SUGCT: variants seen among roughly 807,000 people sequenced by gnomAD.
SUGCT encodes succinyl-CoA:glutarate-CoA transferase.
A neutral mutation model predicts 55.0 loss-of-function variants in SUGCT; 41 were observed. The observed-to-expected ratio is 0.74, with a 90% CI of 0.58 to 0.97. The LOEUF is 0.97. SUGCT is among the 50% of genes least tolerant of loss of function. The pLI is 0.00. For synonymous variants in SUGCT, 187 were observed against 200.4 expected, an observed-to-expected ratio of 0.93 and a Z score of 0.56; for missense variants, 568 against 547.8, an observed-to-expected ratio of 1.04 and a Z score of -0.37.
At chr7:40,326,309 G>T (rs892493526) in intron 9 of SUGCT, among the ~76,000 whole-genome samples, 1 of 152,134 alleles carries the variant, frequency 6.6e-6, no homozygotes, top group African/African-American at 2.4e-5. Context: ...TAAGTGTTTT[G>T]TGCAGCATCT....
At chr7:40,642,772 T>G (rs940470447) in intron 12 of SUGCT, among the ~76,000 whole-genome samples, 2 of 152,332 alleles carry the variant, frequency 1.3e-5, no homozygotes, top group East Asian at 3.9e-4. Context: ...AACCTGATTC[T>G]GCATGCAGTA....
chr7:40,940,723 T>C, the SUGCT span, among the ~76,000 whole-genome samples: 6 of 152,190 alleles, frequency 3.9e-5, no homozygotes, highest in African/African-American at 1.4e-4. Flanking sequence ...TTTGTATACG[T>C]TGATTTTGTA....
rs575113951 is a variant in SUGCT at position 40,695,165 on chromosome 7, A to ATTTT, written c.1090-54267_1090-54264dup. 2.9e-3 allele frequency among the ~76,000 whole-genome samples: 392 copies of ATTTT among 135,588 alleles called. 1 individual carries two copies. Among genetic ancestry groups the ATTTT allele is most frequent in the East Asian group, 0.015 (65 of 4,424 alleles). 89.0% of individuals were successfully genotyped at this position (135,588 alleles called of 152,430 possible). The stretch of plus-strand genomic sequence containing the variant: ...ATTAATGTTATCTACCTAAACCCTT[A>ATTTT]TTTTTATTTATTTATTTATTTATTT... On this transcript the variant is annotated intron_variant, in intron 12 of 13. Coordinates refer to ENST00000335693, the MANE Select transcript of SUGCT (RefSeq NM_001193313.2).
At position 40,164,998 on chromosome 7, in the gene SUGCT, A is replaced by C. The variant is rs373273174; in HGVS notation, c.101-15949A>C. Among the ~76,000 whole-genome samples the C allele has an allele frequency of 5.3e-5, 8 of 152,278 alleles. No homozygotes were observed. In the East Asian group the frequency reaches 1.2e-3, roughly 22 times the overall value. On this transcript the variant is annotated intron_variant, in intron 1 of 13. Transcript: ENST00000335693. Reference sequence around the variant, plus strand: ...TATCAAACTAGGTTGTTAGGAACAGAGCTTCTTCTGTGACTTCAGACACAT... The same window carrying C: ...TATCAAACTAGGTTGTTAGGAACAGCGCTTCTTCTGTGACTTCAGACACAT...
At chr7:40,416,355 A>C (rs1049079156) in intron 9 of SUGCT, among the ~76,000 whole-genome samples, 12 of 151,904 alleles carry the variant, frequency 7.9e-5, no homozygotes, top group African/African-American at 2.9e-4. Context: ...ATTTACTAGA[A>C]TCTCAGAGCC....
chr7:40,700,976 G>A (rs867427231), intron 12 of SUGCT, among the ~76,000 whole-genome samples: 1 of 152,094 alleles, frequency 6.6e-6, no homozygotes, highest in Non-Finnish European at 1.5e-5. Flanking sequence ...TACAAGCAAG[G>A]GTTGGAGTTG....
intron 12 of SUGCT, among the ~76,000 whole-genome samples, chr7:40,654,267 A>G (rs983672806): frequency 1.4e-5 from 2 of 143,844 alleles, no homozygotes; most frequent in East Asian, 1.9e-4. Context: ...AGCTCAGGGG[A>G]AAAAAAAAGT....
chr7:40,614,139 T>A (rs897335050), intron 12 of SUGCT, among the ~76,000 whole-genome samples: 6 of 151,956 alleles, frequency 3.9e-5, no homozygotes, highest in East Asian at 1.9e-4. Flanking sequence ...TTTTTTTTTT[T>A]AACTACATTA....
chr7:40,747,136 G>A (rs976822523), intron 12 of SUGCT, among the ~76,000 whole-genome samples: 2 of 152,130 alleles, frequency 1.3e-5, no homozygotes, highest in African/African-American at 4.8e-5. Flanking sequence ...AATTTTATCT[G>A]GCCAGCTCTT....
chr7:41,001,692 T>C, the SUGCT span, among the ~76,000 whole-genome samples: 1 of 152,164 alleles, frequency 6.6e-6, no homozygotes, highest in Non-Finnish European at 1.5e-5. Context: ...TGGGGTCTTT[T>C]TCTTTATAAG....
intron 6 of SUGCT, among the ~76,000 whole-genome samples, chr7:40,204,487 A>G (rs944623603): frequency 2.0e-5 from 3 of 151,960 alleles, no homozygotes; most frequent in African/African-American, 4.8e-5. Flanking sequence ...TATTTTTAGT[A>G]GAGACAGGGT....
chr7:40,439,585 GT>G (rs1788387414), intron 9 of SUGCT, among the ~76,000 whole-genome samples: 1 of 152,172 alleles, frequency 6.6e-6, no homozygotes, highest in African/African-American at 2.4e-5. Context: ...TTCCAGTTGT[GT>G]TAACTGGTCC....
the SUGCT span, among the ~76,000 whole-genome samples, chr7:40,961,962 A>G: frequency 1.3e-5 from 2 of 152,316 alleles, no homozygotes; most frequent in Non-Finnish European, 2.9e-5. Context: ...TTTATTGCAA[A>G]GAGCAAATGA....
At chr7:40,580,871 A>G (rs1429727962) in intron 12 of SUGCT, among the ~76,000 whole-genome samples, 1 of 152,226 alleles carries the variant, frequency 6.6e-6, no homozygotes, top group East Asian at 1.9e-4. Context: ...AGGCTATACC[A>G]TATAGCCTAG....
At chr7:40,584,537 G>A (rs536770754) in intron 12 of SUGCT, among the ~76,000 whole-genome samples, 1 of 152,300 alleles carries the variant, frequency 6.6e-6, no homozygotes, top group South Asian at 2.1e-4. Flanking sequence ...TAGTTCCCAT[G>A]TGCATAGTGA....
At chr7:40,392,460 T>TG (rs1037185013) in intron 9 of SUGCT, among the ~76,000 whole-genome samples, 1 of 148,056 alleles carries the variant, frequency 6.8e-6, no homozygotes, top group African/African-American at 2.5e-5. Context: ...GGGTAATGGG[T>TG]GGGGGGAAGA....
intron 13 of SUGCT, among the ~76,000 whole-genome samples, chr7:40,828,355 T>C (rs1792458435): frequency 6.6e-6 from 1 of 152,122 alleles, no homozygotes; most frequent in Non-Finnish European, 1.5e-5. Flanking sequence ...TGAGGGTCTG[T>C]GAAGCTAGCA....
the SUGCT span, among the ~76,000 whole-genome samples, chr7:40,873,234 A>G: frequency 6.6e-6 from 1 of 152,234 alleles, no homozygotes; most frequent in African/African-American, 2.4e-5. Context: ...TGAGCTTCCC[A>G]TTGGAAAAAA....
intron 6 of SUGCT, among the ~76,000 whole-genome samples, chr7:40,216,574 G>A (rs908633192): frequency 2.0e-5 from 3 of 151,206 alleles, no homozygotes; most frequent in South Asian, 2.1e-4. Context: ...AGTGTTGGCC[G>A]GACGCAGTAG....
Sources: allele counts gnomAD v4.1 joint callset (sites outside exome capture counted in the v4.1 genomes callset), GRCh38; gene constraint gnomAD v4.1.1; transcripts MANE v1.5; gene names NCBI Gene and HGNC (gene_info 2026-07-23, HGNC 2026-07-21).